Variants in PDXDC1 observed in about 807,000 individuals in gnomAD.
PDXDC1 encodes pyridoxal-dependent decarboxylase domain-containing protein 1.
In PDXDC1, 42 loss-of-function variants were observed where a neutral mutation model predicts 100.1. The observed-to-expected ratio is 0.42, with a 90% CI of 0.33 to 0.54. The LOEUF is 0.54. PDXDC1 is among the 20% of genes least tolerant of loss of function. The pLI, the probability that PDXDC1 is intolerant of heterozygous loss-of-function variation, is 0.10. For missense variants in PDXDC1, 636 were observed against 979.2 expected (o/e 0.65, Z 4.68); for synonymous variants, 260 against 371.7 (o/e 0.70, Z 3.46).
At chr16:15,122,597 C>G (rs1197987798) in intron 16 of PDXDC1, among the ~76,000 whole-genome samples, 1 of 150,374 alleles carries the variant, frequency 6.7e-6, no homozygotes, top group Admixed American at 6.7e-5. Flanking sequence ...GCTGATAAAT[C>G]CCAGCAGGAG....
intron 8 of PDXDC1, among the ~76,000 whole-genome samples, chr16:15,013,031 G>A (rs2041457064): frequency 2.0e-5 from 3 of 152,200 alleles, no homozygotes; most frequent in Admixed American, 6.5e-5. Flanking sequence ...ATAGCTGGGT[G>A]TGGTGGTGGG....
intron 16 of PDXDC1, among the ~76,000 whole-genome samples, chr16:15,101,184 G>T (rs138273257): frequency 6.6e-6 from 1 of 152,156 alleles, no homozygotes; most frequent in African/African-American, 2.4e-5. Flanking sequence ...GACAGGGCAG[G>T]TTCTCCGTAA....
intron 5 of PDXDC1, among the ~76,000 whole-genome samples, chr16:15,005,934 C>CG (rs563232932): frequency 7.5e-4 from 114 of 152,378 alleles, no homozygotes; most frequent in African/African-American, 2.6e-3. Context: ...GTGATCCACC[C>CG]GCCTTGGCCT....
chr16:15,128,421 G>A (rs745341322), intron 16 of PDXDC1: 9 of 1,303,810 alleles, frequency 6.9e-6, no homozygotes, highest in Admixed American at 3.6e-5. Flanking sequence ...TGGGAGGCTC[G>A]GTCTGCTGCC....
At chr16:15,090,717 G>C (rs1429534919) in intron 16 of PDXDC1, among the ~76,000 whole-genome samples, 1 of 152,068 alleles carries the variant, frequency 6.6e-6, no homozygotes, top group African/African-American at 2.4e-5. Context: ...TAATAAAATT[G>C]GAATTTCATT....
intron 16 of PDXDC1, among the ~76,000 whole-genome samples, chr16:15,101,164 C>T (rs1236452079): frequency 6.6e-6 from 1 of 152,142 alleles, no homozygotes; most frequent in Non-Finnish European, 1.5e-5. Flanking sequence ...AAATATGTCA[C>T]GGTGTACAGG....
intron 16 of PDXDC1, chr16:15,132,587 G>A (rs569564077): frequency 1.5e-5 from 11 of 724,692 alleles, no homozygotes; most frequent in Middle Eastern, 7.5e-4. Context: ...GTCAGAGACC[G>A]AGGAACGCCA....
chr16:15,070,359 A>C, intron 16 of PDXDC1: 1 of 786,856 alleles, frequency 1.3e-6, no homozygotes, highest in Non-Finnish European at 2.0e-6. Flanking sequence ...AAGTAAGTTC[A>C]TAGGTTTCTT....
intron 1 of PDXDC1, chr16:14,975,442 G>C: frequency 2.7e-5 from 27 of 985,246 alleles, no homozygotes; most frequent in Non-Finnish European, 3.3e-5. Flanking sequence ...GCTGGGCGGG[G>C]TTCGGTGGGG....
At chr16:15,143,540 C>T (rs1388596896), downstream of PDXDC1, among the ~76,000 whole-genome samples, 1 of 152,198 alleles carries the variant, frequency 6.6e-6, no homozygotes, top group Non-Finnish European at 1.5e-5. Flanking sequence ...CCCAGCCAGG[C>T]GCTGGCTCTC....
At chr16:14,982,621 A>C (rs7204096) in intron 1 of PDXDC1, among the ~76,000 whole-genome samples, 71,549 of 149,288 alleles carry the variant, frequency 0.48, 12,289 homozygotes, top group Admixed American at 0.59. Context: ...TGAATCAGGC[A>C]AAAATACTTA....
chr16:14,999,998 C>G (rs1348781830), intron 3 of PDXDC1, among the ~76,000 whole-genome samples: 4 of 152,272 alleles, frequency 2.6e-5, no homozygotes, highest in Admixed American at 2.0e-4. Flanking sequence ...CAATAACACG[C>G]TGAGATACTA....
At chr16:15,081,842 G>A (rs2045717642) in intron 16 of PDXDC1, among the ~76,000 whole-genome samples, 1 of 152,076 alleles carries the variant, frequency 6.6e-6, no homozygotes, top group African/African-American at 2.4e-5. Flanking sequence ...TTTTAAATAT[G>A]GATATCCATA....
chr16:15,083,459 A>G lies in PDXDC1; in HGVS notation c.1399+53403A>G, dbSNP rs377139991. Reference sequence around the variant, plus strand: ...AGAAAAAGACCTAATATCATCTAAAATGAAATCGTACAAACAACTTTTCCA... The same window carrying G: ...AGAAAAAGACCTAATATCATCTAAAGTGAAATCGTACAAACAACTTTTCCA... On this transcript the variant is annotated intron_variant, in intron 16 of 16. Transcript: ENST00000535621. 2.0e-4 allele frequency: 315 copies of G among 1,603,760 alleles called. 1 individual carries two copies. The African/African-American group carries it at 3.9e-3, about 20-fold the overall frequency.
chr16:15,097,282 A>G (rs932684725), intron 16 of PDXDC1, among the ~76,000 whole-genome samples: 2 of 151,120 alleles, frequency 1.3e-5, no homozygotes, highest in African/African-American at 2.4e-5. Context: ...AAAAAAAAAA[A>G]GGGAAAAAAA....
intron 16 of PDXDC1, chr16:15,094,238 C>G (rs745391741): frequency 3.5e-5 from 55 of 1,578,930 alleles, no homozygotes; most frequent in Non-Finnish European, 4.1e-5. Flanking sequence ...CGCCATTGGG[C>G]CGAACTAACG....
chr16:15,127,834 T>A, intron 16 of PDXDC1: 1 of 1,563,790 alleles, frequency 6.4e-7, no homozygotes, highest in Non-Finnish European at 8.7e-7. Flanking sequence ...GATGTGCTTG[T>A]CAAAGAAGCC....
intron 16 of PDXDC1, among the ~76,000 whole-genome samples, chr16:15,128,616 G>A (rs1009753134): frequency 7.2e-5 from 11 of 152,016 alleles, no homozygotes; most frequent in African/African-American, 2.4e-4. Flanking sequence ...ACTGTAACTT[G>A]TGACATGCAA....
intron 16 of PDXDC1, chr16:15,074,877 G>A (rs2045385468): frequency 6.3e-7 from 1 of 1,597,334 alleles, no homozygotes; most frequent in Non-Finnish European, 8.5e-7. Context: ...AAGACAAAAA[G>A]TAAATACTAA....
Sources: allele counts gnomAD v4.1 joint callset (sites outside exome capture counted in the v4.1 genomes callset), GRCh38; gene constraint gnomAD v4.1.1; transcripts MANE v1.5; gene names NCBI Gene and HGNC (gene_info 2026-07-23, HGNC 2026-07-21).